ZDHHC14: variants seen among roughly 807,000 people sequenced by gnomAD.
ZDHHC14 encodes the protein palmitoyltransferase ZDHHC14.
ZDHHC14 carries 16 observed loss-of-function variants against 47.7 expected under a neutral mutation model. That is an observed-to-expected ratio of 0.34 (90% CI 0.23 to 0.51). The LOEUF is 0.51. ZDHHC14 is among the 20% of genes least tolerant of loss of function. The pLI is 0.97. For missense variants in ZDHHC14, 515 were observed against 662.5 expected, an observed-to-expected ratio of 0.78 and a Z score of 2.44; for synonymous variants, 293 against 278.9, an observed-to-expected ratio of 1.05 and a Z score of -0.50.
intron 1 of ZDHHC14, among the ~76,000 whole-genome samples, chr6:157,387,445 T>C (rs1777336973): frequency 6.6e-6 from 1 of 152,202 alleles, no homozygotes. Context: ...CATGCAGAAC[T>C]GCATCAACCT....
At chr6:157,466,208 G>T (rs986121260) in intron 1 of ZDHHC14, among the ~76,000 whole-genome samples, 1 of 152,172 alleles carries the variant, frequency 6.6e-6, no homozygotes, top group African/African-American at 2.4e-5. Context: ...TTGCTGTGAT[G>T]CTGGCTTACC....
chr6:157,670,017 T>C (rs149636242), intron 8 of ZDHHC14, among the ~76,000 whole-genome samples: 6 of 152,386 alleles, frequency 3.9e-5, no homozygotes, highest in African/African-American at 1.4e-4. Flanking sequence ...GCTCTGCCTC[T>C]GCCTCTGCCC....
rs1777949807 is a variant in ZDHHC14, at chr6:157,415,211, C to T, written c.245+32945C>T. On this transcript the variant is annotated intron_variant, in intron 1 of 8. Transcript: ENST00000359775. ...TTTTCTTTAAAGTTCCTTTTATGTTCTGGGCTGTGCTAGGCTCTAAAAAGC... is the reference window on the plus strand; with the variant it reads ...TTTTCTTTAAAGTTCCTTTTATGTTTTGGGCTGTGCTAGGCTCTAAAAAGC... 3.3e-5 allele frequency among the ~76,000 whole-genome samples: 5 copies of T among 151,964 alleles called. No homozygotes were observed. The South Asian group carries it at 1.0e-3, about 32-fold the overall frequency.
chr6:157,428,247 G>C (rs1312281979), intron 1 of ZDHHC14, among the ~76,000 whole-genome samples: 1 of 152,118 alleles, frequency 6.6e-6, no homozygotes, highest in Non-Finnish European at 1.5e-5. Context: ...ACACCACAGA[G>C]ACCCTGCCCA....
At position 157,427,174 on chromosome 6, in the gene ZDHHC14, G is replaced by A. The variant is rs1172267310; in HGVS notation, c.245+44908G>A. 2.0e-5 allele frequency among the ~76,000 whole-genome samples: 3 copies of A among 152,092 alleles called. No individual in the cohort carries two copies. The highest frequency in any genetic ancestry group is 2.9e-5 in the Non-Finnish European group (2 of 68,008). On this transcript the variant is annotated intron_variant, in intron 1 of 8. Coordinates refer to ENST00000359775, the MANE Select transcript of ZDHHC14 (RefSeq NM_024630.3). The surrounding 1 kb of genome is among the most constrained non-coding windows in gnomAD (Gnocchi z 4.4). ...ACCTGGAGGGGCATCGGGCCTGGGAGCACAGGAGGAAGGAGGAAGGGCGGG... is the reference window on the plus strand; with the variant it reads ...ACCTGGAGGGGCATCGGGCCTGGGAACACAGGAGGAAGGAGGAAGGGCGGG...
intron 2 of ZDHHC14, among the ~76,000 whole-genome samples, chr6:157,592,592 G>A (rs1783951579): frequency 6.6e-6 from 1 of 152,212 alleles, no homozygotes; most frequent in Non-Finnish European, 1.5e-5. Context: ...GTGCAGGCGG[G>A]AAGAGGTCAG....
At chr6:157,544,298 G>A (rs377708117) in intron 2 of ZDHHC14, among the ~76,000 whole-genome samples, 6 of 152,226 alleles carry the variant, frequency 3.9e-5, no homozygotes. Flanking sequence ...CTCCAGGTTA[G>A]TGCAGGTGCA....
At chr6:157,488,953 G>A (rs1463416963) in intron 1 of ZDHHC14, among the ~76,000 whole-genome samples, 2 of 152,164 alleles carry the variant, frequency 1.3e-5, no homozygotes, top group East Asian at 1.9e-4. Context: ...TGTGTATTTC[G>A]TGAGCACAAG....
At chr6:157,614,087 C>G (rs1469476312) in intron 3 of ZDHHC14, among the ~76,000 whole-genome samples, 1 of 152,174 alleles carries the variant, frequency 6.6e-6, no homozygotes, top group Non-Finnish European at 1.5e-5. Context: ...GCAAGCCCCC[C>G]CACCGCTGGC....
intron 5 of ZDHHC14, among the ~76,000 whole-genome samples, chr6:157,641,409 G>T (rs938485262): frequency 6.6e-6 from 1 of 152,198 alleles, no homozygotes; most frequent in South Asian, 2.1e-4. Flanking sequence ...TGGCCAATTC[G>T]ATGAAAAGAA....
intron 8 of ZDHHC14, among the ~76,000 whole-genome samples, chr6:157,660,247 C>T (rs971906772): frequency 5.3e-5 from 8 of 150,156 alleles, no homozygotes; most frequent in African/African-American, 7.4e-5. Context: ...GGCTGGAGTG[C>T]AGTGGCACAG....
intron 1 of ZDHHC14, among the ~76,000 whole-genome samples, chr6:157,472,112 G>A (rs1055891862): frequency 5.9e-5 from 9 of 152,258 alleles, no homozygotes; most frequent in African/African-American, 2.2e-4. Flanking sequence ...CTGAGGAAGG[G>A]TCGGGGTGCT....
chr6:157,415,753 A>T (rs1160999381), intron 1 of ZDHHC14, among the ~76,000 whole-genome samples: 1 of 152,170 alleles, frequency 6.6e-6, no homozygotes, highest in African/African-American at 2.4e-5. Flanking sequence ...ATGTGCCTGT[A>T]ATCCCAGCCA....
chr6:157,388,990 C>T (rs904546826), intron 1 of ZDHHC14, among the ~76,000 whole-genome samples: 14 of 152,072 alleles, frequency 9.2e-5, no homozygotes, highest in African/African-American at 2.9e-4. Flanking sequence ...CCAAACAATA[C>T]GTTGTTTAGT....
intron 1 of ZDHHC14, among the ~76,000 whole-genome samples, chr6:157,484,314 T>TAC (rs1352438289): frequency 0.04 from 4,121 of 104,084 alleles, 229 homozygotes; most frequent in African/African-American, 0.12. Context: ...TACATATATA[T>TAC]ACACATATAT....
intron 3 of ZDHHC14, among the ~76,000 whole-genome samples, chr6:157,601,539 G>A (rs1010831068): frequency 3.3e-5 from 5 of 152,226 alleles, no homozygotes; most frequent in East Asian, 1.9e-4. Flanking sequence ...GTTAGGAATT[G>A]TAATAAAAAT....
At chr6:157,418,570 T>C (rs1487363099) in intron 1 of ZDHHC14, among the ~76,000 whole-genome samples, 2 of 152,210 alleles carry the variant, frequency 1.3e-5, no homozygotes, top group Non-Finnish European at 2.9e-5. Flanking sequence ...TAATAAAACG[T>C]AGGCCTGGAA....
intron 1 of ZDHHC14, among the ~76,000 whole-genome samples, chr6:157,385,406 A>G (rs145917222): frequency 6.6e-6 from 1 of 152,356 alleles, no homozygotes; most frequent in Non-Finnish European, 1.5e-5. Flanking sequence ...AGCTTTTAAT[A>G]TTAGTAAACT....
Position 157,654,512 on chromosome 6 carries a change from T to G in ZDHHC14, c.1068+885T>G, listed in dbSNP as rs549389461. Among the ~76,000 whole-genome samples, 9 of 152,204 alleles carry G rather than the reference T, an allele frequency of 5.9e-5. 1 individual carries two copies. The South Asian group carries it at 1.9e-3, about 32-fold the overall frequency. ...TCCATGACAGATCAGAGACCTGACT[T>G]TCAGGTAGACTGGACGTGGGCAGCA... On this transcript the variant is annotated intron_variant, in intron 8 of 8. Transcript: ENST00000359775.
Sources: gnomAD v4.1 joint callset for allele counts (sites outside exome capture counted in the v4.1 genomes callset) on GRCh38, gnomAD v4.1.1 for gene constraint, Gnocchi (gnomAD v3.1) non-coding constraint, MANE v1.5 for transcripts, NCBI Gene and HGNC (gene_info 2026-07-23, HGNC 2026-07-21) for gene names.